TYR: variants seen among roughly 807,000 people sequenced by gnomAD.
The protein encoded by TYR is LB24-AB.
Under a neutral mutation model 51.5 loss-of-function variants are expected in TYR, and 58 were observed. That is an observed-to-expected ratio of 1.13 (90% CI 0.91 to 1.40). The LOEUF is 1.40. Among genes scored for constraint, TYR ranks in the 40% most tolerant of loss-of-function variants. The pLI is 0.00. For synonymous variants in TYR, 263 were observed against 235.2 expected (o/e 1.12, Z -1.08); for missense variants, 732 against 647.4 (o/e 1.13, Z -1.42).
intron 3 of TYR, among the ~76,000 whole-genome samples, chr11:89,266,332 A>C (rs1944525626): frequency 6.6e-6 from 1 of 152,004 alleles, no homozygotes; most frequent in Non-Finnish European, 1.5e-5. Context: ...GGAAAGAAGC[A>C]TTTGAGTTCA....
At chr11:89,220,622 C>A (rs1386925623) in intron 2 of TYR, among the ~76,000 whole-genome samples, 1 of 152,032 alleles carries the variant, frequency 6.6e-6, no homozygotes, top group Non-Finnish European at 1.5e-5. Flanking sequence ...CCGGGCGTGG[C>A]GGGTGCCTGT....
chr11:89,292,865 C>T (rs999502438), intron 4 of TYR, among the ~76,000 whole-genome samples: 12 of 152,136 alleles, frequency 7.9e-5, no homozygotes, highest in South Asian at 4.1e-4. Context: ...TCTTAGACAT[C>T]CCATGAATCA....
At chr11:89,233,047 T>A (rs1565406915) in intron 3 of TYR, among the ~76,000 whole-genome samples, 1 of 143,644 alleles carries the variant, frequency 7.0e-6, no homozygotes, top group Non-Finnish European at 1.5e-5. Flanking sequence ...TGCTGTATGA[T>A]AGCATTTTAC....
chr11:89,272,403 T>G (rs1944599314), intron 3 of TYR, among the ~76,000 whole-genome samples: 1 of 151,798 alleles, frequency 6.6e-6, no homozygotes, highest in African/African-American at 2.4e-5. Flanking sequence ...TCTTTTTTTT[T>G]TTTTGAAGGA....
rs954100794 is a variant in TYR, at chr11:89,233,444, A to G, written c.1184+5474A>G. 9.4e-5 allele frequency among the ~76,000 whole-genome samples: 13 copies of G among 138,748 alleles called. 1 individual carries two copies. Among genetic ancestry groups the G allele is most frequent in the African/African-American group, 3.7e-4 (13 of 34,776 alleles). The allele number at this position is 138,748 out of a possible 152,430, so 91.0% of individuals were successfully genotyped here. On this transcript the variant is annotated intron_variant, in intron 3 of 4. Transcript: ENST00000263321. ...AACGTTAATATTTTGTTCTCCTTCC[A>G]TGAATCAGAAATGTTCTTAATGGCA...
At chr11:89,269,474 A>G (rs958192635) in intron 3 of TYR, among the ~76,000 whole-genome samples, 2 of 151,926 alleles carry the variant, frequency 1.3e-5, no homozygotes, top group African/African-American at 4.8e-5. Flanking sequence ...TTTTTTGGAA[A>G]AGGAGAGAAA....
intron 4 of TYR, among the ~76,000 whole-genome samples, chr11:89,287,577 A>C (rs1944804905): frequency 6.6e-6 from 1 of 151,918 alleles, no homozygotes; most frequent in Admixed American, 6.6e-5. Context: ...AGATATGCCT[A>C]ACTCCAGGGG....
At position 89,178,194 on chromosome 11, in the gene TYR, C is replaced by T. The variant is rs754654473; in HGVS notation, c.241C>T (p.Pro81Ser). Reference sequence around the variant, plus strand: ...AGGGGTGGATGACCGGGAGTCGTGGCCTTCCGTCTTTTATAATAGGACCTG... The same window carrying T: ...AGGGGTGGATGACCGGGAGTCGTGGTCTTCCGTCTTTTATAATAGGACCTG... ...FTGVDDRESW[P>S]SVFYNRTCQC... The change falls in exon 1 of 5, where the codon CCT (proline) becomes TCT (serine). Residue 81 changes from proline (P) to serine (S), a missense_variant. Coordinates refer to ENST00000263321, the MANE Select transcript of TYR (RefSeq NM_000372.5). The T allele has an allele frequency of 2.6e-5, 42 of 1,614,042 alleles. No individual in the cohort carries two copies. The highest frequency in any genetic ancestry group is 3.3e-5 in the Non-Finnish European group (39 of 1,180,036).
At chr11:89,204,506 T>C (rs1943645302) in intron 2 of TYR, among the ~76,000 whole-genome samples, 1 of 151,936 alleles carries the variant, frequency 6.6e-6, no homozygotes, top group Non-Finnish European at 1.5e-5. Flanking sequence ...GGGATTCCCC[T>C]GCCTCAGTTT....
intron 3 of TYR, among the ~76,000 whole-genome samples, chr11:89,257,765 C>A (rs1254088852): frequency 6.6e-6 from 1 of 151,962 alleles, no homozygotes; most frequent in Non-Finnish European, 1.5e-5. Context: ...TTTCAGCTGG[C>A]CAACGCTCTC....
chr11:89,193,035 AG>A (rs900327816), intron 2 of TYR, among the ~76,000 whole-genome samples: 2 of 152,138 alleles, frequency 1.3e-5, no homozygotes, highest in African/African-American at 4.8e-5. Flanking sequence ...TGACATAAGA[AG>A]GCAAGACATA....
rs1431430308 is a variant in TYR, at chr11:89,263,164, T to C, written c.1185-21609T>C. Among the ~76,000 whole-genome samples, 10 of 152,010 alleles carry C rather than the reference T, an allele frequency of 6.6e-5. No individual in the cohort carries two copies. The East Asian group carries it at 1.4e-3, about 21-fold the overall frequency. On this transcript the variant is annotated intron_variant, in intron 3 of 4. Coordinates refer to ENST00000263321, the MANE Select transcript of TYR (RefSeq NM_000372.5). Reference sequence around the variant, plus strand: ...TAAAAATGTTTATGTCAAAGCCAAATTGGATTTATTTGAGGAATACAAAGG... The same window carrying C: ...TAAAAATGTTTATGTCAAAGCCAAACTGGATTTATTTGAGGAATACAAAGG...
intron 3 of TYR, among the ~76,000 whole-genome samples, chr11:89,254,197 C>CT (rs1944362198): frequency 6.6e-6 from 1 of 151,642 alleles, no homozygotes; most frequent in Non-Finnish European, 1.5e-5. Context: ...GGTGGATTAT[C>CT]TTTTTGATAT....
chr11:89,231,263 AAAAAATT>A (rs965853082), intron 3 of TYR, among the ~76,000 whole-genome samples: 4 of 151,832 alleles, frequency 2.6e-5, no homozygotes, highest in African/African-American at 9.7e-5. Flanking sequence ...GCAGTTTCTT[AAAAAATT>A]AAAAATAAAA....
At chr11:89,199,670 C>A (rs1336075064) in intron 2 of TYR, among the ~76,000 whole-genome samples, 2 of 152,196 alleles carry the variant, frequency 1.3e-5, no homozygotes, top group African/African-American at 4.8e-5. Context: ...GTACATCTAG[C>A]TCCTATTACA....
At chr11:89,286,166 G>T (rs375339569) in intron 4 of TYR, among the ~76,000 whole-genome samples, 1 of 151,786 alleles carries the variant, frequency 6.6e-6, no homozygotes, top group Non-Finnish European at 1.5e-5. Flanking sequence ...GACTTTTGAA[G>T]GGTTCAACCT....
chr11:89,278,162 T>C (rs568454418), intron 3 of TYR, among the ~76,000 whole-genome samples: 1 of 151,870 alleles, frequency 6.6e-6, no homozygotes, highest in East Asian at 2.0e-4. Flanking sequence ...AATATTCTTC[T>C]ACCATTTCTC....
chr11:89,262,381 CT>C (rs1944467465), intron 3 of TYR, among the ~76,000 whole-genome samples: 1 of 151,460 alleles, frequency 6.6e-6, no homozygotes. Context: ...TTATTAATGA[CT>C]ACATTAAAAA....
intron 4 of TYR, among the ~76,000 whole-genome samples, chr11:89,288,746 A>T (rs1353098566): frequency 6.6e-6 from 1 of 152,024 alleles, no homozygotes; most frequent in African/African-American, 2.4e-5. Flanking sequence ...CTAAGAACAA[A>T]GCAAAACAAA....
Sources: allele counts gnomAD v4.1 joint callset (sites outside exome capture counted in the v4.1 genomes callset), GRCh38; gene constraint gnomAD v4.1.1; transcripts MANE v1.5; gene names NCBI Gene and HGNC (gene_info 2026-07-23, HGNC 2026-07-21).